Variants in SAE1 observed in about 807,000 individuals in gnomAD.
The protein encoded by SAE1 is SUMO1 activating enzyme subunit 1.
A neutral mutation model predicts 40.6 loss-of-function variants in SAE1; 11 were observed. The ratio of observed to expected loss-of-function variants is 0.27; its 90% confidence interval spans 0.17 to 0.45. SAE1 has a LOEUF of 0.45. SAE1 is among the 20% of genes least tolerant of loss of function. The probability of loss-of-function intolerance (pLI) is 1.00; values close to 1 mark genes in which losing one functional copy is unlikely to be tolerated. For synonymous variants in SAE1, 155 were observed against 154.3 expected (o/e 1.00, Z -0.03); for missense variants, 373 against 427.3 (o/e 0.87, Z 1.12).
intron 6 of SAE1, among the ~76,000 whole-genome samples, chr19:47,171,297 T>G (rs916829563): frequency 8.6e-5 from 13 of 151,552 alleles, no homozygotes; most frequent in African/African-American, 3.2e-4. Flanking sequence ...AATTTTTATT[T>G]TAATTTTTTT....
chr19:47,203,786 A>G (rs1371953800), intron 8 of SAE1, 46 bp downstream of exon 8: 3 of 1,498,666 alleles, frequency 2.0e-6, no homozygotes, highest in South Asian at 1.1e-5. Flanking sequence ...ATGACTTTGT[A>G]TATGTGCTGA....
intron 3 of SAE1, among the ~76,000 whole-genome samples, 167 bp from the exon 4 acceptor site, chr19:47,152,731 A>G (rs1435258963): frequency 1.3e-5 from 2 of 152,192 alleles, no homozygotes; most frequent in African/African-American, 4.8e-5. Context: ...GAAACCTGCA[A>G]CTTTTCTTTT....
intron 1 of SAE1, among the ~76,000 whole-genome samples, chr19:47,140,816 T>C (rs2058217137): frequency 6.6e-6 from 1 of 151,982 alleles, no homozygotes. Context: ...AACGTAAACA[T>C]GGTATTTGGT....
At chr19:47,203,975 G>A (rs1270725537) in intron 8 of SAE1, among the ~76,000 whole-genome samples, 2 of 151,982 alleles carry the variant, frequency 1.3e-5, no homozygotes, top group African/African-American at 2.4e-5. Flanking sequence ...ATAGTGCCTC[G>A]AAGGTGTGAT....
In SAE1 at chr19:47,193,384, T is replaced by C. The variant is rs539093530; in HGVS notation, c.734-3849T>C. ...CCAATTGTTACAGCTTTGAGTTGAC[T>C]GCCAAGTGTTGAGGTAGCATTGAGG... On this transcript the variant is annotated intron_variant, in intron 6 of 8. Transcript: ENST00000270225. Among the ~76,000 whole-genome samples the C allele has an allele frequency of 2.0e-3, 303 of 152,226 alleles. 1 individual carries two copies. The highest frequency in any genetic ancestry group is 3.6e-3 in the Non-Finnish European group (242 of 68,008).
chr19:47,177,620 T>C (rs1479120790), intron 6 of SAE1, among the ~76,000 whole-genome samples: 2 of 152,154 alleles, frequency 1.3e-5, no homozygotes. Context: ...TCCTCTCACC[T>C]CAGTTTCCCA....
intron 6 of SAE1, among the ~76,000 whole-genome samples, chr19:47,191,588 C>T (rs974136912): frequency 4.6e-5 from 7 of 152,178 alleles, no homozygotes; most frequent in Non-Finnish European, 1.0e-4. Flanking sequence ...GCCTGCTTTC[C>T]AGGTGCAAGG....
intron 6 of SAE1, among the ~76,000 whole-genome samples, chr19:47,191,362 AAAAT>A (rs1269266614): frequency 1.3e-5 from 2 of 152,196 alleles, no homozygotes; most frequent in East Asian, 3.9e-4. Flanking sequence ...TAAATGAATA[AAAAT>A]AAAGGAATCC....
intron 6 of SAE1, among the ~76,000 whole-genome samples, chr19:47,177,553 G>A (rs1201046646): frequency 1.3e-5 from 2 of 152,100 alleles, no homozygotes; most frequent in African/African-American, 2.4e-5. Context: ...TACAGATTGG[G>A]GCAGGGAGGT....
chr19:47,189,533 C>T (rs1358395764), intron 6 of SAE1, among the ~76,000 whole-genome samples: 9 of 152,116 alleles, frequency 5.9e-5, no homozygotes. Flanking sequence ...TGCACTCCAG[C>T]CTGGGTGACA....
At chr19:47,170,975 C>T (rs934725295) in intron 6 of SAE1, among the ~76,000 whole-genome samples, 4 of 151,932 alleles carry the variant, frequency 2.6e-5, no homozygotes, top group African/African-American at 7.3e-5. Context: ...CTGTACCTGG[C>T]ACTTTTTTGT....
chr19:47,132,889 CA>C (rs60901263), intron 1 of SAE1, among the ~76,000 whole-genome samples: 7,101 of 109,266 alleles, frequency 0.065, 433 homozygotes, highest in African/African-American at 0.19. Flanking sequence ...GGCCCCGTCT[CA>C]AAAAAAAAAA....
intron 5 of SAE1, among the ~76,000 whole-genome samples, chr19:47,156,974 CTT>C (rs923236582): frequency 8.5e-5 from 13 of 152,124 alleles, no homozygotes; most frequent in African/African-American, 3.1e-4. Flanking sequence ...CATATTTACT[CTT>C]TGCTTTGTAG....
At chr19:47,131,082 G>C in intron 1 of SAE1, 54 bp downstream of exon 1, 2 of 1,471,094 alleles carry the variant, frequency 1.4e-6, no homozygotes, top group Non-Finnish European at 1.8e-6. Flanking sequence ...CGTCTATTCT[G>C]AGGCGTTTGC....
At chr19:47,175,954 T>A (rs2058466221) in intron 6 of SAE1, among the ~76,000 whole-genome samples, 1 of 152,230 alleles carries the variant, frequency 6.6e-6, no homozygotes, top group Non-Finnish European at 1.5e-5. Context: ...AGCATCATAG[T>A]AAAAAGTCTT....
chr19:47,193,753 G>A (rs1463849382), intron 6 of SAE1, among the ~76,000 whole-genome samples: 3 of 150,994 alleles, frequency 2.0e-5, no homozygotes, highest in Admixed American at 6.6e-5. Flanking sequence ...GCTTGAACCC[G>A]GGAGGTGGAG....
At chr19:47,178,922 G>T (rs1488500910) in intron 6 of SAE1, among the ~76,000 whole-genome samples, 1 of 152,146 alleles carries the variant, frequency 6.6e-6, no homozygotes, top group Admixed American at 6.5e-5. Context: ...CACCTGGCGC[G>T]GTGGCTTATG....
rs75615825 is a variant in SAE1 at position 47,154,867 on chromosome 19, C to T, written c.528-247C>T. The stretch of plus-strand genomic sequence containing the variant: ...AATCACTTTGATTTATTGAGAGCAG[C>T]TGTGTGCCCAGCAGTGTGCTGAGCA... On this transcript the variant is annotated intron_variant, in intron 4 of 8. Coordinates refer to ENST00000270225, the MANE Select transcript of SAE1 (RefSeq NM_005500.3). 4.2e-3 allele frequency among the ~76,000 whole-genome samples: 646 copies of T among 152,300 alleles called. 6 individuals carry two copies. Among genetic ancestry groups the T allele is most frequent in the African/African-American group, 0.015 (612 of 41,560 alleles).
chr19:47,134,397 C>A (rs1021580577), intron 1 of SAE1, among the ~76,000 whole-genome samples: 3 of 150,192 alleles, frequency 2.0e-5, no homozygotes, highest in African/African-American at 7.4e-5. Flanking sequence ...GTGGGGTCTT[C>A]TTTGATGGGG....
Sources: allele counts gnomAD v4.1 joint callset (sites outside exome capture counted in the v4.1 genomes callset), GRCh38; gene constraint gnomAD v4.1.1; transcripts MANE v1.5; gene names NCBI Gene and HGNC (gene_info 2026-07-23, HGNC 2026-07-21).